Variants in HEMK2 observed in about 807,000 individuals in gnomAD.
HEMK2 encodes the protein HemK methyltransferase 2, ETF1 glutamine and histone H4 lysine.
At chr21:28,739,807 T>C in the HEMK2 span, among the ~76,000 whole-genome samples, 2 of 152,224 alleles carry the variant, frequency 1.3e-5, no homozygotes, top group East Asian at 1.9e-4. Context: ...GTCTACCATA[T>C]TGGACAGCAC....
chr21:28,604,865 T>C, the HEMK2 span, among the ~76,000 whole-genome samples: 1 of 152,120 alleles, frequency 6.6e-6, no homozygotes, highest in East Asian at 1.9e-4. Context: ...GTGGTCAGAG[T>C]TGAAGTCTTC....
the HEMK2 span, among the ~76,000 whole-genome samples, chr21:28,642,441 C>G: frequency 6.6e-6 from 1 of 152,212 alleles, no homozygotes; most frequent in African/African-American, 2.4e-5. Flanking sequence ...CTGGTGGGAG[C>G]AGGCTCTACG....
chr21:28,750,513 A>C, the HEMK2 span, among the ~76,000 whole-genome samples: 135 of 152,174 alleles, frequency 8.9e-4, no homozygotes, highest in Admixed American at 1.8e-3. Context: ...AGCCTGGCCA[A>C]CATGGTGAAG....
the HEMK2 span, among the ~76,000 whole-genome samples, chr21:28,730,943 G>A: frequency 6.6e-6 from 1 of 152,080 alleles, no homozygotes; most frequent in Admixed American, 6.5e-5. Flanking sequence ...AGTGCTCTGG[G>A]AGGATTGGAG....
At chr21:28,748,970 T>C in the HEMK2 span, among the ~76,000 whole-genome samples, 83 of 143,948 alleles carry the variant, frequency 5.8e-4, no homozygotes, top group Middle Eastern at 0.014. Context: ...AAACATCACA[T>C]ACTTTTAAGA....
chr21:28,619,750 A>G, the HEMK2 span, among the ~76,000 whole-genome samples: 1 of 152,226 alleles, frequency 6.6e-6, no homozygotes, highest in Non-Finnish European at 1.5e-5. Context: ...GTCAACAATA[A>G]TTGATGTTCC....
At chr21:28,838,376 T>C in the HEMK2 span, among the ~76,000 whole-genome samples, 1 of 150,662 alleles carries the variant, frequency 6.6e-6, no homozygotes, top group Non-Finnish European at 1.5e-5. Context: ...CTACTAAAAA[T>C]ACAAAAAATT....
the HEMK2 span, among the ~76,000 whole-genome samples, chr21:28,712,467 A>G: frequency 6.6e-6 from 1 of 152,166 alleles, no homozygotes; most frequent in Non-Finnish European, 1.5e-5. Context: ...CCACATAAGA[A>G]AGCTCAGAAA....
chr21:28,668,251 T>C, the HEMK2 span, among the ~76,000 whole-genome samples: 1 of 152,350 alleles, frequency 6.6e-6, no homozygotes, highest in East Asian at 1.9e-4. Flanking sequence ...GTGCTGTTAT[T>C]GGATGTATCT....
At chr21:28,677,462 C>T in the HEMK2 span, among the ~76,000 whole-genome samples, 1 of 152,232 alleles carries the variant, frequency 6.6e-6, no homozygotes, top group African/African-American at 2.4e-5. Flanking sequence ...GTAGACTCCA[C>T]CTCTGGGGGC....
At chr21:28,728,736 T>A in the HEMK2 span, among the ~76,000 whole-genome samples, 1 of 152,238 alleles carries the variant, frequency 6.6e-6, no homozygotes, top group Non-Finnish European at 1.5e-5. Context: ...TAGGAATTGA[T>A]CTGTTGTATT....
chr21:28,847,624 T>C, the HEMK2 span, among the ~76,000 whole-genome samples: 1 of 152,250 alleles, frequency 6.6e-6, no homozygotes, highest in African/African-American at 2.4e-5. Context: ...TTTCATTTAA[T>C]TATGTCCCAT....
chr21:28,580,999 T>TA, the HEMK2 span, among the ~76,000 whole-genome samples: 1 of 152,162 alleles, frequency 6.6e-6, no homozygotes, highest in African/African-American at 2.4e-5. Context: ...CCAACGTGAA[T>TA]AATGGCCTTT....
chr21:28,772,053 T>A, the HEMK2 span, among the ~76,000 whole-genome samples: 1 of 152,144 alleles, frequency 6.6e-6, no homozygotes, highest in Non-Finnish European at 1.5e-5. Flanking sequence ...GAAAGTGAAA[T>A]TATTTCCATC....
chr21:28,876,512 T>C, the HEMK2 span: 1 of 1,527,178 alleles, frequency 6.5e-7, no homozygotes, highest in Non-Finnish European at 9.0e-7. Flanking sequence ...AATCAAAAGG[T>C]AAAATCCATT....
At chr21:28,606,159 T>G in the HEMK2 span, among the ~76,000 whole-genome samples, 1 of 152,076 alleles carries the variant, frequency 6.6e-6, no homozygotes, top group Non-Finnish European at 1.5e-5. Flanking sequence ...TATAGAGAGA[T>G]AGTACTGTAA....
the HEMK2 span, chr21:28,878,413 A>G: frequency 3.9e-6 from 6 of 1,527,434 alleles, no homozygotes; most frequent in African/African-American, 8.3e-5. Context: ...GACAAGTAAT[A>G]TCACCAAAAA....
the HEMK2 span, among the ~76,000 whole-genome samples, chr21:28,847,307 T>C: frequency 6.6e-6 from 1 of 152,172 alleles, no homozygotes; most frequent in Non-Finnish European, 1.5e-5. Context: ...CATTTAATAA[T>C]AGCCATTCTG....
chr21:28,855,262 A>G, the HEMK2 span, among the ~76,000 whole-genome samples: 1 of 152,228 alleles, frequency 6.6e-6, no homozygotes, highest in African/African-American at 2.4e-5. Flanking sequence ...AAAGAGACAA[A>G]GGAAAGAATT....
Sources: gnomAD v4.1 joint callset for allele counts (sites outside exome capture counted in the v4.1 genomes callset) on GRCh38, gnomAD v4.1.1 for gene constraint, MANE v1.5 for transcripts, NCBI Gene and HGNC (gene_info 2026-07-23, HGNC 2026-07-21) for gene names.